The following ERC1 variants were observed in gnomAD, a reference collection of about 807,000 sequenced individuals.
The protein encoded by ERC1 is RAB6 interacting protein 2.
A neutral mutation model predicts 132.0 loss-of-function variants in ERC1; 56 were observed. That is an observed-to-expected ratio of 0.42 (90% CI 0.34 to 0.53). The LOEUF (loss-of-function observed/expected upper bound fraction) is 0.53, where lower values mean the gene tolerates loss of function less well. ERC1 is among the 20% of genes least tolerant of loss of function. ERC1 has a pLI of 0.03. For synonymous variants in ERC1, 478 were observed against 476.1 expected, an observed-to-expected ratio of 1.00 and a Z score of -0.05; for missense variants, 1,202 against 1,349.9, an observed-to-expected ratio of 0.89 and a Z score of 1.72.
rs533852169 is a variant in ERC1, at chr12:1,225,860, T to C, written c.2352-10909T>C. 1.8e-4 allele frequency among the ~76,000 whole-genome samples: 28 copies of C among 152,302 alleles called. No individual in the cohort carries two copies. In the South Asian group the frequency reaches 5.2e-3, roughly 28 times the overall value. ...TGCACCATTTAAATTTTTTTCTCTC[T>C]CTTAAAACAGAGCAAAATTTTTGCA... On this transcript the variant is annotated intron_variant, in intron 12 of 18. Transcript: ENST00000360905.
chr12:1,315,617 C>T lies in ERC1; in HGVS notation c.2780+25605C>T, dbSNP rs933037554. Among the ~76,000 whole-genome samples, 11 of 152,194 alleles carry T rather than the reference C, an allele frequency of 7.2e-5. No individual in the cohort carries two copies. The East Asian group carries it at 1.4e-3, about 19-fold the overall frequency. The stretch of plus-strand genomic sequence containing the variant: ...CCGCACTTTTGGAGGCCGAGGTGGG[C>T]GGATCTACAGGATTTTAAAACATGA... On this transcript the variant is annotated intron_variant, in intron 15 of 18. Transcript: ENST00000360905.
intron 15 of ERC1, among the ~76,000 whole-genome samples, chr12:1,324,432 G>A (rs61913083): frequency 0.21 from 31,417 of 152,010 alleles, 3,816 homozygotes; most frequent in Non-Finnish European, 0.27. Context: ...GACTTTGCTG[G>A]ATGCATGTCA....
intron 2 of ERC1, among the ~76,000 whole-genome samples, chr12:1,073,097 C>T (rs545706580): frequency 3.9e-5 from 6 of 152,094 alleles, no homozygotes; most frequent in East Asian, 1.9e-4. Flanking sequence ...GTCAAGAGAT[C>T]GAGACCATCC....
At chr12:1,079,048 T>A (rs909609996) in intron 2 of ERC1, among the ~76,000 whole-genome samples, 52 of 151,476 alleles carry the variant, frequency 3.4e-4, no homozygotes, top group African/African-American at 1.2e-3. Flanking sequence ...ATTTGTAATA[T>A]GACAAAAGTC....
Position 1,354,412 on chromosome 12 carries a change from A to C in ERC1, c.2781-17421A>C, listed in dbSNP as rs1036346787. 5.9e-5 allele frequency among the ~76,000 whole-genome samples: 9 copies of C among 152,086 alleles called. No homozygotes were observed. The South Asian group carries it at 6.2e-4, about 11-fold the overall frequency. ...GTGGCAGGCACCTGTAACACCAGCT[A>C]CTCAGGAGGCTGAGGCAGGAGAATC... On this transcript the variant is annotated intron_variant, in intron 15 of 18. Transcript: ENST00000360905.
chr12:1,100,786 A>G (rs1324228196), intron 3 of ERC1, among the ~76,000 whole-genome samples: 1 of 152,220 alleles, frequency 6.6e-6, no homozygotes, highest in East Asian at 1.9e-4. Context: ...GTAAAGGTAC[A>G]TACGAGTATG....
chr12:1,370,517 G>A (rs1398421821), intron 15 of ERC1, among the ~76,000 whole-genome samples: 1 of 152,212 alleles, frequency 6.6e-6, no homozygotes, highest in Non-Finnish European at 1.5e-5. Flanking sequence ...AATGTCTTCA[G>A]TGTCAGTAAT....
chr12:1,219,047 A>G (rs1328660065), intron 12 of ERC1, among the ~76,000 whole-genome samples: 1 of 151,614 alleles, frequency 6.6e-6, no homozygotes, highest in Non-Finnish European at 1.5e-5. Flanking sequence ...TAATTTTTAT[A>G]TTTTTAGTGG....
intron 2 of ERC1, among the ~76,000 whole-genome samples, chr12:1,054,932 G>A (rs987715749): frequency 6.6e-6 from 1 of 151,946 alleles, no homozygotes; most frequent in African/African-American, 2.4e-5. Context: ...GAGTATTCTG[G>A]CCCACATTAG....
intron 15 of ERC1, among the ~76,000 whole-genome samples, chr12:1,332,451 A>C (rs1192465627): frequency 6.6e-6 from 1 of 152,132 alleles, no homozygotes; most frequent in Non-Finnish European, 1.5e-5. Context: ...TCAATTCTTC[A>C]TTGTCCCTTC....
At chr12:1,104,991 T>A (rs954737348) in intron 4 of ERC1, among the ~76,000 whole-genome samples, 167 bp downstream of exon 4, 7 of 152,240 alleles carry the variant, frequency 4.6e-5, no homozygotes, top group African/African-American at 1.4e-4. Flanking sequence ...TTCAGTTTTA[T>A]TTCCTTTTAC....
intron 7 of ERC1, among the ~76,000 whole-genome samples, chr12:1,119,054 C>T (rs1946764171): frequency 6.6e-6 from 1 of 151,816 alleles, no homozygotes; most frequent in Non-Finnish European, 1.5e-5. Flanking sequence ...ATTTTTAAAA[C>T]TTTTTGCAGA....
At chr12:1,092,991 A>G (rs959434331) in intron 3 of ERC1, among the ~76,000 whole-genome samples, 9 of 152,176 alleles carry the variant, frequency 5.9e-5, no homozygotes, top group Non-Finnish European at 1.0e-4. Flanking sequence ...TTTATGATAA[A>G]GTTTTGTGTC....
chr12:1,400,920 T>A lies in ERC1; in HGVS notation c.2926-7229T>A, dbSNP rs1566775066. 3.5e-4 allele frequency among the ~76,000 whole-genome samples: 17 copies of A among 47,888 alleles called. 1 individual carries two copies. The highest frequency in any genetic ancestry group is 2.1e-3 in the African/African-American group (14 of 6,686). 31.4% of individuals were successfully genotyped at this position (47,888 alleles called of 152,430 possible). On this transcript the variant is annotated intron_variant, in intron 16 of 18. Coordinates refer to ENST00000360905, the MANE Select transcript of ERC1 (RefSeq NM_178040.4). The stretch of plus-strand genomic sequence containing the variant: ...TATTGTTTTGGCTATTTTTGTATTT[T>A]TTTTTTTTTTTTTTTTTTTTTTTTT...
intron 15 of ERC1, among the ~76,000 whole-genome samples, chr12:1,354,979 A>G (rs1028953882): frequency 2.6e-5 from 4 of 152,206 alleles, no homozygotes; most frequent in African/African-American, 9.6e-5. Context: ...CTCTTGTACT[A>G]GTATCCCTCA....
At chr12:1,154,974 C>T (rs765654896) in intron 8 of ERC1, among the ~76,000 whole-genome samples, 3 of 152,130 alleles carry the variant, frequency 2.0e-5, no homozygotes, top group Admixed American at 6.5e-5. Flanking sequence ...TAAATTAGTA[C>T]AACCTTTATG....
At chr12:1,161,250 T>C (rs1383561418) in intron 8 of ERC1, among the ~76,000 whole-genome samples, 1 of 152,156 alleles carries the variant, frequency 6.6e-6, no homozygotes, top group Non-Finnish European at 1.5e-5. Context: ...ATTTTAGATT[T>C]AGCCCTGTAT....
intron 13 of ERC1, among the ~76,000 whole-genome samples, chr12:1,256,042 C>A (rs1338207924): frequency 6.6e-6 from 1 of 151,956 alleles, no homozygotes; most frequent in Non-Finnish European, 1.5e-5. Context: ...ATAAATGTCT[C>A]CTTTTGAGAA....
At chr12:1,411,984 A>G (rs377355856) in intron 17 of ERC1, among the ~76,000 whole-genome samples, 1 of 152,206 alleles carries the variant, frequency 6.6e-6, no homozygotes, top group Non-Finnish European at 1.5e-5. Flanking sequence ...GCTTTTTCCA[A>G]TTATCGCACT....
Sources: allele counts gnomAD v4.1 joint callset (sites outside exome capture counted in the v4.1 genomes callset), GRCh38; gene constraint gnomAD v4.1.1; transcripts MANE v1.5; gene names NCBI Gene and HGNC (gene_info 2026-07-23, HGNC 2026-07-21).